The following MBD5 variants were observed in gnomAD, a reference collection of about 807,000 sequenced individuals.
The protein encoded by MBD5 is methyl-CpG binding domain protein 5, also known as methyl-CpG-binding domain protein 5.
MBD5 carries 13 observed loss-of-function variants against 117.3 expected under a neutral mutation model. The ratio of observed to expected loss-of-function variants is 0.11; its 90% CI spans 0.07 to 0.18. The LOEUF is 0.18. Ranked by LOEUF, MBD5 falls within the 10% of genes least tolerant of loss-of-function variation. The pLI is 1.00. For synonymous variants in MBD5, 727 were observed against 766.4 expected, an observed-to-expected ratio of 0.95 and a Z score of 0.85; for missense variants, 1,879 against 2,093.8, an observed-to-expected ratio of 0.90 and a Z score of 2.00.
At chr2:148,323,434 A>G (rs1211226535) in intron 3 of MBD5, among the ~76,000 whole-genome samples, 3 of 151,912 alleles carry the variant, frequency 2.0e-5, no homozygotes, top group Non-Finnish European at 4.4e-5. Flanking sequence ...GACTTCCACA[A>G]CGGTTGAACT....
intron 1 of MBD5, among the ~76,000 whole-genome samples, chr2:148,090,560 A>G (rs1015941254): frequency 1.2e-4 from 18 of 152,188 alleles, no homozygotes; most frequent in African/African-American, 4.3e-4. Flanking sequence ...AATAAATGTG[A>G]TACGTCACAT....
intron 1 of MBD5, chr2:148,021,898 T>C (rs1470491985): frequency 6.4e-6 from 1 of 156,550 alleles, no homozygotes; most frequent in African/African-American, 2.4e-5. Context: ...TTATTTGCTG[T>C]TGTCAAAAGT....
At chr2:148,323,178 T>C (rs1407656420) in intron 3 of MBD5, among the ~76,000 whole-genome samples, 3 of 152,022 alleles carry the variant, frequency 2.0e-5, no homozygotes, top group African/African-American at 7.2e-5. Context: ...CATGAACTCA[T>C]CATTTTTTAT....
chr2:148,333,279 C>T (rs564590721), intron 3 of MBD5, among the ~76,000 whole-genome samples: 4 of 152,180 alleles, frequency 2.6e-5, no homozygotes, highest in South Asian at 4.1e-4. Flanking sequence ...GTGGATACCT[C>T]GATAACATGT....
intron 4 of MBD5, among the ~76,000 whole-genome samples, chr2:148,342,987 C>G (rs1292065285): frequency 1.3e-5 from 2 of 151,942 alleles, no homozygotes; most frequent in African/African-American, 4.8e-5. Flanking sequence ...GCCATGAGTA[C>G]CTGATGTTTA....
intron 1 of MBD5, among the ~76,000 whole-genome samples, chr2:148,157,861 C>G (rs114964791): frequency 2.6e-5 from 4 of 151,942 alleles, no homozygotes; most frequent in African/African-American, 9.7e-5. Flanking sequence ...GACAGTTTAA[C>G]AATATATATT....
chr2:148,151,733 G>A (rs1697674694), intron 1 of MBD5, among the ~76,000 whole-genome samples: 1 of 152,116 alleles, frequency 6.6e-6, no homozygotes, highest in African/African-American at 2.4e-5. Flanking sequence ...TTGTGTAGAG[G>A]TGTTTGTAGT....
chr2:148,425,980 A>G (rs1445079396), intron 4 of MBD5, among the ~76,000 whole-genome samples: 1 of 152,200 alleles, frequency 6.6e-6, no homozygotes, highest in African/African-American at 2.4e-5. Flanking sequence ...AATGTGCAAA[A>G]ATCACAAGCA....
At chr2:148,335,248 G>A (rs912206975) in intron 3 of MBD5, among the ~76,000 whole-genome samples, 1 of 152,086 alleles carries the variant, frequency 6.6e-6, no homozygotes, top group Admixed American at 6.5e-5. Flanking sequence ...AGGTGTGGTG[G>A]CACATGCCTG....
At chr2:148,307,328 A>G (rs553718037) in intron 3 of MBD5, among the ~76,000 whole-genome samples, 30 of 152,088 alleles carry the variant, frequency 2.0e-4, no homozygotes, top group Non-Finnish European at 3.2e-4. Context: ...TATGAGCTCT[A>G]TTTTTTTAAA....
chr2:148,513,515 G>T lies in MBD5; in HGVS notation c.*574G>T. 6.3e-6 allele frequency: 1 copy of T among 157,514 alleles called. No homozygotes were observed. The highest frequency in any genetic ancestry group is 6.1e-5 in the Admixed American group (1 of 16,374). The allele number at this position is 157,514 out of a possible 1,614,324, so 9.8% of individuals were successfully genotyped here. A position where few individuals can be genotyped will look rare whatever the true frequency, so the allele number is the denominator to read the frequency against. Reference sequence around the variant, plus strand: ...GTATTTAACAGCAGAGAAAAGGCATGATGATGTAATATCTGAATTATGACA... The same window carrying T: ...GTATTTAACAGCAGAGAAAAGGCATTATGATGTAATATCTGAATTATGACA... On this transcript the variant is annotated 3_prime_UTR_variant, in exon 14 of 14. Coordinates refer to ENST00000642680, the MANE Select transcript of MBD5 (RefSeq NM_001378120.1).
chr2:148,341,063 C>A (rs940080147), intron 3 of MBD5, among the ~76,000 whole-genome samples: 10 of 151,914 alleles, frequency 6.6e-5, no homozygotes, highest in Non-Finnish European at 1.0e-4. Context: ...TTCTGTGAGA[C>A]CCCACTTGAA....
intron 1 of MBD5, among the ~76,000 whole-genome samples, chr2:148,163,897 T>C (rs1387964963): frequency 6.6e-6 from 1 of 152,230 alleles, no homozygotes; most frequent in Non-Finnish European, 1.5e-5. Context: ...CACTTTTATA[T>C]AATGATTAGT....
intron 2 of MBD5, among the ~76,000 whole-genome samples, chr2:148,196,850 G>GGT (rs78006542): frequency 0.18 from 26,455 of 150,964 alleles, 2,549 homozygotes; most frequent in Non-Finnish European, 0.22. Context: ...CATTTGCACT[G>GGT]GTGTGTGTGT....
intron 3 of MBD5, among the ~76,000 whole-genome samples, chr2:148,245,348 C>G (rs1013936893): frequency 6.6e-6 from 1 of 152,176 alleles, no homozygotes; most frequent in Non-Finnish European, 1.5e-5. Context: ...GCCTCAGCCT[C>G]CCGAGTAGCT....
At chr2:148,320,788 G>C (rs1269141701) in intron 3 of MBD5, among the ~76,000 whole-genome samples, 1 of 152,098 alleles carries the variant, frequency 6.6e-6, no homozygotes. Flanking sequence ...TAGTTTTTGA[G>C]CATATAGTTG....
chr2:148,141,040 G>A (rs1697300116), intron 1 of MBD5, among the ~76,000 whole-genome samples: 1 of 152,108 alleles, frequency 6.6e-6, no homozygotes. Flanking sequence ...CCAAACTGCT[G>A]GGATTACAGG....
intron 3 of MBD5, among the ~76,000 whole-genome samples, chr2:148,303,865 A>G (rs1188113608): frequency 6.6e-6 from 1 of 152,212 alleles, no homozygotes; most frequent in Non-Finnish European, 1.5e-5. Context: ...TATCAAATAA[A>G]TCTAATTTTA....
At chr2:148,036,388 G>A (rs772470702) in intron 1 of MBD5, among the ~76,000 whole-genome samples, 12 of 152,086 alleles carry the variant, frequency 7.9e-5, no homozygotes, top group Non-Finnish European at 1.6e-4. Flanking sequence ...CCATTAGTTG[G>A]CAAAGTAAAT....
Sources: gnomAD v4.1 joint callset for allele counts (sites outside exome capture counted in the v4.1 genomes callset) on GRCh38, gnomAD v4.1.1 for gene constraint, MANE v1.5 for transcripts, NCBI Gene and HGNC (gene_info 2026-07-23, HGNC 2026-07-21) for gene names.